ANKRD11: variants seen among roughly 807,000 people sequenced by gnomAD.
ANKRD11 encodes the protein ankyrin repeat domain-containing protein 11.
In ANKRD11, 17 loss-of-function variants were observed where a neutral mutation model predicts 195.7. The observed-to-expected ratio is 0.09, with a 90% CI of 0.06 to 0.13. The LOEUF is 0.13. ANKRD11 is among the 10% of genes least tolerant of loss of function. ANKRD11 has a pLI of 1.00. For synonymous variants in ANKRD11, 1,953 were observed against 1,528.1 expected, an observed-to-expected ratio of 1.28 and a Z score of -6.49; for missense variants, 3,735 against 3,566.1, an observed-to-expected ratio of 1.05 and a Z score of -1.21.
At chr16:89,438,187 AG>A (rs1303234338) in intron 1 of ANKRD11, among the ~76,000 whole-genome samples, 13 of 152,362 alleles carry the variant, frequency 8.5e-5, no homozygotes, top group Admixed American at 2.6e-4. Context: ...CATGAAGACT[AG>A]GAACAGCTGG....
intron 3 of ANKRD11, among the ~76,000 whole-genome samples, chr16:89,310,489 G>A (rs2036549788): frequency 6.6e-6 from 1 of 152,178 alleles, no homozygotes; most frequent in East Asian, 1.9e-4. Context: ...AGCCCACAGG[G>A]ATTTTGGCTG....
chr16:89,441,146 A>G (rs796596749), intron 1 of ANKRD11, among the ~76,000 whole-genome samples: 3 of 151,594 alleles, frequency 2.0e-5, no homozygotes, highest in African/African-American at 4.8e-5. Context: ...TGAGGCAGGA[A>G]AATGGCGTGA....
chr16:89,386,141 G>T (rs2040900654), intron 2 of ANKRD11, among the ~76,000 whole-genome samples: 1 of 152,152 alleles, frequency 6.6e-6, no homozygotes, highest in South Asian at 2.1e-4. Context: ...TACAGATTAA[G>T]AAAATACAAT....
intron 2 of ANKRD11, chr16:89,361,444 C>T (rs913407417): frequency 1.3e-5 from 2 of 152,304 alleles, no homozygotes; most frequent in African/African-American, 4.8e-5. Flanking sequence ...CATCATTCAA[C>T]TTTGAAACTT....
intron 9 of ANKRD11, chr16:89,278,691 CGGGGCA>C (rs773385925): frequency 4.5e-5 from 21 of 466,970 alleles, no homozygotes; most frequent in African/African-American, 2.8e-4. Context: ...GAGAAGGGGG[CGGGGCA>C]GGGGCAGGAG....
intron 2 of ANKRD11, among the ~76,000 whole-genome samples, chr16:89,348,953 C>T (rs1260235574): frequency 2.0e-5 from 3 of 149,250 alleles, no homozygotes; most frequent in African/African-American, 4.9e-5. Context: ...CATGGTGAAG[C>T]CTCATTTCTA....
intron 1 of ANKRD11, chr16:89,420,441 G>A (rs1597352131): frequency 1.3e-5 from 2 of 152,212 alleles, no homozygotes; most frequent in Admixed American, 6.5e-5. Context: ...GGCAAAACAC[G>A]CCGGTGAGAA....
chr16:89,273,044 CAAAAAAAAAAA>C (rs56277527), intron 11 of ANKRD11: 6 of 96,020 alleles, frequency 6.2e-5, no homozygotes, highest in Non-Finnish European at 1.2e-4. Context: ...TAATGGGTAC[CAAAAAAAAAAA>C]AAAAAAAAAG....
chr16:89,461,621 G>A (rs1460764105), intron 1 of ANKRD11, among the ~76,000 whole-genome samples: 2 of 152,050 alleles, frequency 1.3e-5, no homozygotes, highest in African/African-American at 2.4e-5. Context: ...GACTACAGGC[G>A]TGAGCCACCA....
At chr16:89,489,999 CCG>C (rs1337929633) in intron 1 of ANKRD11, among the ~76,000 whole-genome samples, 1 of 111,408 alleles carries the variant, frequency 9.0e-6, no homozygotes, top group African/African-American at 2.9e-5. Flanking sequence ...CACGGCCACC[CCG>C]GGCCCCCAAA....
intron 1 of ANKRD11, among the ~76,000 whole-genome samples, chr16:89,489,742 G>GC (rs1354395442): frequency 8.7e-6 from 1 of 115,216 alleles, no homozygotes; most frequent in Admixed American, 8.6e-5. Flanking sequence ...CCGCCCCGAA[G>GC]CCCCCCGTCC....
At chr16:89,298,616 C>T (rs563406826) in intron 4 of ANKRD11, among the ~76,000 whole-genome samples, 16 of 152,318 alleles carry the variant, frequency 1.1e-4, no homozygotes, top group Middle Eastern at 3.4e-3. Context: ...TCCATCAAAT[C>T]GCTGAGCCTC....
chr16:89,372,578 C>T (rs1310173162), intron 2 of ANKRD11, among the ~76,000 whole-genome samples: 1 of 152,042 alleles, frequency 6.6e-6, no homozygotes, highest in East Asian at 1.9e-4. Flanking sequence ...TACTAAAATA[C>T]TAACATTAAG....
Position 89,285,968 on chromosome 16 carries a change from T to C in ANKRD11, c.892+71A>G, listed in dbSNP as rs756807339. 2.5e-6 allele frequency: 4 copies of C among 1,610,126 alleles called. No homozygotes were observed. The highest frequency in any genetic ancestry group is 1.1e-5 in the South Asian group (1 of 90,904). ...GGAGCTGATCAGAGGGGCAACACTG[T>C]GCAAACACCACAGGGCAGCTCCTAC... is the stretch of plus-strand genomic sequence containing the variant. On this transcript the variant is annotated intron_variant, in intron 8 of 12. Transcript: ENST00000301030. This position sits in a 1 kb window ranked among gnomAD's most constrained non-coding sequence, Gnocchi z 5.6.
chr16:89,315,557 C>T (rs1444952849), intron 3 of ANKRD11, among the ~76,000 whole-genome samples: 3 of 152,236 alleles, frequency 2.0e-5, no homozygotes, highest in African/African-American at 4.8e-5. Context: ...CCTGTGAGCT[C>T]GGCGGTGTGG....
chr16:89,349,452 CCTGGGCGACAGAGCGAGACTCATCT>C (rs1489328728), intron 2 of ANKRD11, among the ~76,000 whole-genome samples: 2 of 152,100 alleles, frequency 1.3e-5, no homozygotes, highest in East Asian at 3.8e-4. Flanking sequence ...TGCACTCCAG[CCTGGGCGACAGAGCGAGACTCATCT>C]CAAAAAAGAC....
chr16:89,325,500 A>G (rs2037659521), intron 2 of ANKRD11, among the ~76,000 whole-genome samples: 1 of 150,232 alleles, frequency 6.7e-6, no homozygotes. Flanking sequence ...CACACAGAGT[A>G]ATAATGTTGG....
intron 1 of ANKRD11, among the ~76,000 whole-genome samples, chr16:89,435,835 C>CACACACACACACA (rs1555578690): frequency 6.7e-6 from 1 of 149,912 alleles, no homozygotes; most frequent in African/African-American, 2.5e-5. Flanking sequence ...CACACACACA[C>CACACACACACACA]GCTTTCGGTC....
At chr16:89,490,139 G>A (rs1454412490) in intron 1 of ANKRD11, 106 bp downstream of exon 1, 1 of 148,490 alleles carries the variant, frequency 6.7e-6, no homozygotes, top group Non-Finnish European at 1.5e-5. Context: ...CCGCCCGGAG[G>A]CCCGCGGCGC....
Sources: gnomAD v4.1 joint callset for allele counts (sites outside exome capture counted in the v4.1 genomes callset) on GRCh38, gnomAD v4.1.1 for gene constraint, Gnocchi (gnomAD v3.1) non-coding constraint, MANE v1.5 for transcripts, NCBI Gene and HGNC (gene_info 2026-07-23, HGNC 2026-07-21) for gene names.